The following SESTD1 variants were observed in gnomAD, a reference collection of about 807,000 sequenced individuals.
SESTD1 encodes SEC14 and spectrin domain containing 1.
In SESTD1, 43 loss-of-function variants were observed where a neutral mutation model predicts 101.7. That is an observed-to-expected ratio of 0.42 (90% CI 0.33 to 0.55). The LOEUF is 0.55. SESTD1 is among the 20% of genes least tolerant of loss of function. SESTD1 has a pLI of 0.07. For synonymous variants in SESTD1, 283 were observed against 286.8 expected (o/e 0.99, Z 0.13); for missense variants, 647 against 815.1 (o/e 0.79, Z 2.51).
intron 1 of SESTD1, among the ~76,000 whole-genome samples, chr2:179,202,276 T>C (rs1559142565): frequency 7.5e-6 from 1 of 133,916 alleles, no homozygotes; most frequent in Non-Finnish European, 1.6e-5. Flanking sequence ...TTTCTGCTTT[T>C]TCTCCCCTAA....
intron 5 of SESTD1, among the ~76,000 whole-genome samples, chr2:179,163,447 T>C (rs1037871318): frequency 2.0e-5 from 3 of 151,916 alleles, no homozygotes; most frequent in Non-Finnish European, 4.4e-5. Flanking sequence ...GCGTTCAAAG[T>C]AGCTATCATT....
rs555084661 is a variant in SESTD1, at chr2:179,210,862, G to A, written c.-25-18996C>T. ...AATCAGACAAGAGAAAGAAATAAAC[G>A]GCATCTAAATCGGTAAAGAAGACAA... On this transcript the variant is annotated intron_variant, in intron 1 of 17. Coordinates refer to ENST00000428443, the MANE Select transcript of SESTD1 (RefSeq NM_178123.5). Among the ~76,000 whole-genome samples, 20 of 133,968 alleles carry A rather than the reference G, an allele frequency of 1.5e-4. 3 individuals carry two copies. The highest frequency in any genetic ancestry group is 2.1e-4 in the African/African-American group (7 of 33,892). 87.9% of individuals were successfully genotyped at this position (133,968 alleles called of 152,430 possible). A position where few individuals can be genotyped will look rare whatever the true frequency, so the allele number is the denominator to read the frequency against.
At chr2:179,119,669 A>C (rs2044705707) in intron 13 of SESTD1, among the ~76,000 whole-genome samples, 1 of 152,150 alleles carries the variant, frequency 6.6e-6, no homozygotes, top group Non-Finnish European at 1.5e-5. Context: ...TAATAAATAC[A>C]AGGGGCCTGG....
At chr2:179,258,991 C>A (rs2047440858) in intron 1 of SESTD1, among the ~76,000 whole-genome samples, 1 of 152,182 alleles carries the variant, frequency 6.6e-6, no homozygotes, top group Non-Finnish European at 1.5e-5. Context: ...TAGGTTCCCC[C>A]CTTGGTATTC....
At chr2:179,114,598 C>G (rs1412600323) in intron 16 of SESTD1, among the ~76,000 whole-genome samples, 2 of 152,042 alleles carry the variant, frequency 1.3e-5, no homozygotes, top group African/African-American at 2.4e-5. Flanking sequence ...CTTTAAAGAA[C>G]ACATATAAAA....
Position 179,143,665 on chromosome 2 carries a change from G to A in SESTD1, c.776C>T (p.Thr259Ile). ...KLLDSLREQY[T>I]RYQEVCRQRS... ...TTGCCTACAAACTTCCTGGTAGCGGGTATATTGCTCTCGGAGTGAATCTAA... is the reference window on the plus strand; with the variant it reads ...TTGCCTACAAACTTCCTGGTAGCGGATATATTGCTCTCGGAGTGAATCTAA... Residue 259 changes from threonine to isoleucine, a missense_variant, in exon 9 of 18, where the codon ACC becomes ATC. Thr to Ile is a moderately conservative substitution (Grantham distance 89). Around this residue, in one of 3 missense-constraint regions of SESTD1, gnomAD observed 476 missense variants for 562.6 expected, o/e 0.85. Coordinates refer to ENST00000428443, the MANE Select transcript of SESTD1 (RefSeq NM_178123.5). 1 of 1,613,924 alleles carries A rather than the reference G, an allele frequency of 6.2e-7. No homozygotes were observed.
chr2:179,116,831 C>G, intron 14 of SESTD1, 41 bp from the exon 15 acceptor site: 3 of 1,595,358 alleles, frequency 1.9e-6, no homozygotes, highest in Non-Finnish European at 2.6e-6. Flanking sequence ...ATTCAGAACT[C>G]TTTACTTATT....
At chr2:179,234,586 T>C (rs2047038339) in intron 1 of SESTD1, among the ~76,000 whole-genome samples, 1 of 152,112 alleles carries the variant, frequency 6.6e-6, no homozygotes, top group African/African-American at 2.4e-5. Flanking sequence ...GAGACCAGCC[T>C]GGCCAACATG....
At chr2:179,126,735 C>T (rs2044882565) in intron 10 of SESTD1, among the ~76,000 whole-genome samples, 1 of 152,146 alleles carries the variant, frequency 6.6e-6, no homozygotes. Flanking sequence ...CCACCTTCAT[C>T]TGGATGACTA....
intron 1 of SESTD1, among the ~76,000 whole-genome samples, chr2:179,196,105 T>C (rs1360578960): frequency 2.0e-5 from 3 of 152,294 alleles, no homozygotes; most frequent in East Asian, 1.9e-4. Flanking sequence ...GCACGCACCA[T>C]GTGCAAAACG....
intron 5 of SESTD1, among the ~76,000 whole-genome samples, chr2:179,157,188 C>T (rs1310013853): frequency 6.6e-6 from 1 of 152,002 alleles, no homozygotes; most frequent in Non-Finnish European, 1.5e-5. Context: ...CTCTACAAGA[C>T]AAACTACAAA....
chr2:179,244,193 A>C (rs925288164), intron 1 of SESTD1, among the ~76,000 whole-genome samples: 2 of 152,102 alleles, frequency 1.3e-5, no homozygotes, highest in African/African-American at 4.8e-5. Context: ...GTAGTGGCTC[A>C]CACCTGTAAT....
chr2:179,166,332 G>A (rs1315363824), intron 5 of SESTD1, among the ~76,000 whole-genome samples: 1 of 152,002 alleles, frequency 6.6e-6, no homozygotes, highest in Non-Finnish European at 1.5e-5. Context: ...AAGGCATGAA[G>A]CACAGCCCAA....
intron 10 of SESTD1, among the ~76,000 whole-genome samples, chr2:179,128,737 A>G (rs112126970): frequency 2.4e-4 from 36 of 151,826 alleles, no homozygotes; most frequent in East Asian, 1.4e-3. Flanking sequence ...CAAAAAAAAA[A>G]AAAAGAAAAG....
chr2:179,232,637 G>A (rs1314289003), intron 1 of SESTD1, among the ~76,000 whole-genome samples: 2 of 151,714 alleles, frequency 1.3e-5, no homozygotes, highest in Non-Finnish European at 2.9e-5. Flanking sequence ...GAAAGTGATT[G>A]AATAAACAAG....
At chr2:179,235,874 C>A (rs902451120) in intron 1 of SESTD1, among the ~76,000 whole-genome samples, 1 of 152,180 alleles carries the variant, frequency 6.6e-6, no homozygotes, top group Non-Finnish European at 1.5e-5. Flanking sequence ...TACTGTTTCA[C>A]GGTTTGAGCC....
At chr2:179,179,708 G>T (rs2046074531) in intron 3 of SESTD1, among the ~76,000 whole-genome samples, 1 of 152,138 alleles carries the variant, frequency 6.6e-6, no homozygotes, top group African/African-American at 2.4e-5. Flanking sequence ...AATGTTAGAT[G>T]ACACACATCA....
intron 15 of SESTD1, among the ~76,000 whole-genome samples, chr2:179,115,729 C>T (rs2044616410): frequency 6.6e-6 from 1 of 152,052 alleles, no homozygotes; most frequent in Non-Finnish European, 1.5e-5. Context: ...TCCTAATTGA[C>T]AGAGCAAGGC....
intron 9 of SESTD1, among the ~76,000 whole-genome samples, chr2:179,135,235 C>G (rs1182772463): frequency 6.6e-6 from 1 of 152,050 alleles, no homozygotes; most frequent in Non-Finnish European, 1.5e-5. Flanking sequence ...GAGCCACCGC[C>G]CCCCGGCCCA....
Sources: gnomAD v4.1 joint callset for allele counts (sites outside exome capture counted in the v4.1 genomes callset) on GRCh38, gnomAD v4.1.1 for gene constraint, gnomAD v4.1.1 regional missense constraint, MANE v1.5 for transcripts, NCBI Gene and HGNC (gene_info 2026-07-23, HGNC 2026-07-21) for gene names.